The following ARHGAP23 variants were observed in gnomAD, a reference collection of about 807,000 sequenced individuals.
ARHGAP23 encodes rho GTPase-activating protein 23.
Under a neutral mutation model 136.3 loss-of-function variants are expected in ARHGAP23, and 34 were observed. The ratio of observed to expected loss-of-function variants is 0.25; its 90% confidence interval spans 0.19 to 0.33. The LOEUF is 0.33. Ranked by LOEUF, ARHGAP23 falls within the 10% of genes least tolerant of loss-of-function variation. The pLI is 1.00. For synonymous variants in ARHGAP23, 832 were observed against 920.5 expected (o/e 0.90, Z 1.74); for missense variants, 1,808 against 2,139.0 (o/e 0.85, Z 3.05).
chr17:38,508,823 A>C (rs565511541), intron 23 of ARHGAP23, among the ~76,000 whole-genome samples: 230 of 152,114 alleles, frequency 1.5e-3, no homozygotes, highest in African/African-American at 5.4e-3. Flanking sequence ...GTGGTTCCGG[A>C]TAGGTGAGTT....
intron 23 of ARHGAP23, among the ~76,000 whole-genome samples, chr17:38,507,410 AG>A (rs1469402235): frequency 6.6e-6 from 1 of 152,098 alleles, no homozygotes; most frequent in Non-Finnish European, 1.5e-5. Context: ...TTGCTGTGAC[AG>A]GGAGAAAGTT....
chr17:38,498,993 C>A, intron 22 of ARHGAP23: 1 of 696,606 alleles, frequency 1.4e-6, no homozygotes, highest in South Asian at 1.5e-5. Context: ...CTAACAGTGG[C>A]GGGTGATTAT....
At chr17:38,485,230 G>C (rs560758098) in intron 16 of ARHGAP23, among the ~76,000 whole-genome samples, 4 of 152,304 alleles carry the variant, frequency 2.6e-5, no homozygotes, top group African/African-American at 9.6e-5. Flanking sequence ...CGATCCACTA[G>C]ATGCAAGTGG....
chr17:38,453,424 T>C (rs557862113), intron 1 of ARHGAP23, among the ~76,000 whole-genome samples: 4 of 39,870 alleles, frequency 1.0e-4, no homozygotes, highest in Non-Finnish European at 2.5e-4. Flanking sequence ...TATGCGTGCG[T>C]GTGTGTGTGT....
chr17:38,492,647 G>A (rs1024610938), intron 20 of ARHGAP23, among the ~76,000 whole-genome samples: 1 of 152,244 alleles, frequency 6.6e-6, no homozygotes, highest in African/African-American at 2.4e-5. Context: ...GCGAGGTGGT[G>A]AGCAGCTGAG....
intron 20 of ARHGAP23, among the ~76,000 whole-genome samples, chr17:38,497,185 A>G (rs910348430): frequency 1.3e-5 from 2 of 152,218 alleles, no homozygotes; most frequent in African/African-American, 4.8e-5. Flanking sequence ...TACAAAATAT[A>G]TTAAACTGTG....
intron 17 of ARHGAP23, 24 bp downstream of exon 17, chr17:38,486,164 C>G: frequency 6.5e-7 from 1 of 1,543,228 alleles, no homozygotes; most frequent in Non-Finnish European, 8.8e-7. Context: ...GGAAGTGGGG[C>G]GGGGAGGGGA....
chr17:38,438,181 C>T (rs1321027499), intron 1 of ARHGAP23, among the ~76,000 whole-genome samples: 5 of 151,944 alleles, frequency 3.3e-5, no homozygotes, highest in Admixed American at 1.3e-4. Context: ...ATTAGCTGGG[C>T]GTGGTGGCAT....
intron 9 of ARHGAP23, 102 bp downstream of exon 9, chr17:38,469,737 G>A: frequency 6.7e-7 from 1 of 1,502,568 alleles, no homozygotes; most frequent in Non-Finnish European, 9.0e-7. Flanking sequence ...GCATGGGACA[G>A]TGTGCCTCCC....
chr17:38,493,056 G>T (rs1240631190), intron 20 of ARHGAP23, among the ~76,000 whole-genome samples: 2 of 152,224 alleles, frequency 1.3e-5, no homozygotes, highest in Non-Finnish European at 2.9e-5. Flanking sequence ...GGAGAAGGTG[G>T]AGTTTGTCTC....
chr17:38,509,792 G>A (rs1228121157), intron 23 of ARHGAP23, among the ~76,000 whole-genome samples, 152 bp from the exon 24 acceptor site: 1 of 152,174 alleles, frequency 6.6e-6, no homozygotes, highest in African/African-American at 2.4e-5. Context: ...CGGGGCTGGA[G>A]GAGGAGCGTT....
At chr17:38,461,314 T>C (rs1336742091) in intron 3 of ARHGAP23, among the ~76,000 whole-genome samples, 1 of 152,188 alleles carries the variant, frequency 6.6e-6, no homozygotes, top group African/African-American at 2.4e-5. Flanking sequence ...GTGGGAGCGC[T>C]GAGCAAAGGC....
chr17:38,500,022 C>T (rs546924604), intron 22 of ARHGAP23, among the ~76,000 whole-genome samples: 1 of 152,340 alleles, frequency 6.6e-6, no homozygotes, highest in African/African-American at 2.4e-5. Context: ...TGGAACCTAT[C>T]AAGGCTCTAA....
At chr17:38,461,391 T>C (rs560767486) in intron 3 of ARHGAP23, among the ~76,000 whole-genome samples, 80 of 152,310 alleles carry the variant, frequency 5.3e-4, no homozygotes, top group Non-Finnish European at 9.4e-4. Flanking sequence ...CTTTCTCTCA[T>C]ATGATGTGAG....
chr17:38,469,504 C>G lies in ARHGAP23; in HGVS notation c.1805-20C>G. On this transcript the variant is annotated intron_variant, in intron 8 of 23. Transcript: ENST00000622683. ...CTGCTGCCCCGCTGACCCTGAGGCC[C>G]GATGTGGGCGGCTTTGCAGGCAGCA... is the stretch of plus-strand genomic sequence containing the variant. 4 of 1,545,122 alleles carry G rather than the reference C, an allele frequency of 2.6e-6. No individual in the cohort carries two copies. Among genetic ancestry groups the G allele is most frequent in the Non-Finnish European group, 3.5e-6 (4 of 1,144,484 alleles).
At chr17:38,474,852 T>C (rs1346548079) in intron 11 of ARHGAP23, among the ~76,000 whole-genome samples, 2 of 152,100 alleles carry the variant, frequency 1.3e-5, no homozygotes, top group South Asian at 2.1e-4. Flanking sequence ...GGACCAGCCA[T>C]GTGCACTGTG....
intron 1 of ARHGAP23, among the ~76,000 whole-genome samples, chr17:38,443,748 T>C (rs2038969761): frequency 6.6e-6 from 1 of 152,116 alleles, no homozygotes; most frequent in African/African-American, 2.4e-5. Context: ...GGGAGCCCCA[T>C]GTGCCCCCGG....
At chr17:38,475,117 G>C (rs1443470456) in intron 11 of ARHGAP23, among the ~76,000 whole-genome samples, 1 of 152,242 alleles carries the variant, frequency 6.6e-6, no homozygotes, top group Non-Finnish European at 1.5e-5. Flanking sequence ...CGTTAGAGGA[G>C]AGTCTTCAAG....
rs374114577 is a variant in ARHGAP23 at position 38,499,084 on chromosome 17, C to T, written c.3415+574C>T. ...ACGCTGACATGCCAGTTACCCCTGC[C>T]TGTTATCCACTTACCCCAGCAGTCC... On this transcript the variant is annotated intron_variant, in intron 22 of 23. Coordinates refer to ENST00000622683, the MANE Select transcript of ARHGAP23 (RefSeq NM_001199417.2). 1.4e-3 allele frequency: 904 copies of T among 656,276 alleles called. 6 individuals are homozygous for T. Among genetic ancestry groups the T allele is most frequent in the South Asian group, 4.6e-3 (274 of 59,968 alleles). 40.7% of individuals were successfully genotyped at this position (656,276 alleles called of 1,614,324 possible).
Sources: gnomAD v4.1 joint callset for allele counts (sites outside exome capture counted in the v4.1 genomes callset) on GRCh38, gnomAD v4.1.1 for gene constraint, MANE v1.5 for transcripts, NCBI Gene and HGNC (gene_info 2026-07-23, HGNC 2026-07-21) for gene names.